TEX19: variants seen among roughly 807,000 people sequenced by gnomAD.
TEX19 encodes testis expressed 19, also known as testis-expressed protein 19.
For synonymous variants in TEX19, 77 were observed against 73.9 expected (o/e 1.04, Z -0.21); for missense variants, 184 against 194.4 (o/e 0.95, Z 0.32).
At chr17:82,360,682 T>C (rs1599668417) in intron 1 of TEX19, among the ~76,000 whole-genome samples, 2 of 111,322 alleles carry the variant, frequency 1.8e-5, no homozygotes, top group African/African-American at 3.8e-5. Flanking sequence ...CAAGTTTCCC[T>C]CAGGTTCCCC....
In TEX19 at chr17:82,361,496, C is replaced by T. The variant is rs1439111102; in HGVS notation, c.-271-384C>T. 1.0e-3 allele frequency: 469 copies of T among 466,526 alleles called. 1 individual carries two copies. Among genetic ancestry groups the T allele is most frequent in the Middle Eastern group, 2.2e-3 (2 of 914 alleles). The allele number at this position is 466,526 out of a possible 1,614,324, so 28.9% of individuals were successfully genotyped here. On this transcript the variant is annotated intron_variant, in intron 1 of 1. Transcript: ENST00000333437. Reference sequence around the variant, plus strand: ...TTCCCCCAGTTTCTCTCAGGTTCCCCCAGTTTCCCTCAGTTTCCCCCAGTT... The same window carrying T: ...TTCCCCCAGTTTCTCTCAGGTTCCCTCAGTTTCCCTCAGTTTCCCCCAGTT...
At position 82,361,566 on chromosome 17, in the gene TEX19, C is replaced by T. The variant is rs140961983; in HGVS notation, c.-271-314C>T. 2.2e-4 allele frequency: 193 copies of T among 889,936 alleles called. 3 individuals are homozygous for T. In the African/African-American group the frequency reaches 2.4e-3, roughly 11 times the overall value. 55.1% of individuals were successfully genotyped at this position (889,936 alleles called of 1,614,324 possible). ...TTCCCTCAGGTTCCCTCAGGTTCCC[C>T]CAGTTTCCTTCAGGTTCCCTCAATT... is the stretch of plus-strand genomic sequence containing the variant. On this transcript the variant is annotated intron_variant, in intron 1 of 1. Coordinates refer to ENST00000333437, the MANE Select transcript of TEX19 (RefSeq NM_207459.4).
rs763692160 is a variant in TEX19 at position 82,362,502 on chromosome 17, C to T, written c.352C>T (p.His118Tyr). 2.5e-6 allele frequency: 4 copies of T among 1,612,972 alleles called. No homozygotes were observed. The highest frequency in any genetic ancestry group is 3.4e-6 in the Non-Finnish European group (4 of 1,179,972). Residue 118 changes from histidine (H) to tyrosine (Y), a missense_variant, in exon 2 of 2, where the codon CAC (histidine) becomes TAC (tyrosine). His to Tyr is a moderately conservative substitution (Grantham distance 83, BLOSUM62 2). Coordinates refer to ENST00000333437, the MANE Select transcript of TEX19 (RefSeq NM_207459.4). This position sits in a 1 kb window ranked among gnomAD's most constrained non-coding sequence, Gnocchi z 5.5. Reference protein sequence around the residue: ...EGLEDAGLDPHFVPTELWPQE... With the variant: ...EGLEDAGLDPYFVPTELWPQE... ...GTTGGAAGATGCAGGTCTGGACCCC[C>T]ACTTTGTCCCCACTGAACTATGGCC...
chr17:82,359,723 A>G (rs1427652104), intron 1 of TEX19, among the ~76,000 whole-genome samples: 100 of 55,214 alleles, frequency 1.8e-3, no homozygotes, highest in Non-Finnish European at 2.1e-3. Context: ...TTTCCCTCAA[A>G]TTTCCCTCAG....
chr17:82,361,838 G>A lies in TEX19; in HGVS notation c.-271-42G>A, dbSNP rs556817998. 2.0e-5 allele frequency: 21 copies of A among 1,025,330 alleles called. No individual in the cohort carries two copies. The African/African-American group carries it at 3.3e-4, about 16-fold the overall frequency. 63.5% of individuals were successfully genotyped at this position (1,025,330 alleles called of 1,614,324 possible). A position where few individuals can be genotyped will look rare whatever the true frequency, so the allele number is the denominator to read the frequency against. On this transcript the variant is annotated intron_variant, in intron 1 of 1. Transcript: ENST00000333437. ...GGTCCCCACAGTTTGCCCCCACCCT[G>A]CCTGCTGGGGGTGCCTAACCTCCCT... is the stretch of plus-strand genomic sequence containing the variant.
Position 82,362,840 on chromosome 17 carries a change from C to T in TEX19, c.*195C>T, listed in dbSNP as rs1289528629. 1.6e-6 allele frequency: 1 copy of T among 618,438 alleles called. No individual in the cohort carries two copies. Among genetic ancestry groups the T allele is most frequent in the African/African-American group, 1.9e-5 (1 of 53,700 alleles). The allele number at this position is 618,438 out of a possible 1,614,324, so 38.3% of individuals were successfully genotyped here. ...GGGCCCTGAGGACCCCAGGGCAGCA[C>T]TGGAAATTGCTGCTGGAGCCTGGTG... On this transcript the variant is annotated 3_prime_UTR_variant, in exon 2 of 2. Transcript: ENST00000333437. The surrounding 1 kb of genome is among the most constrained non-coding windows in gnomAD (Gnocchi z 5.5).
At chr17:82,360,494 G>T (rs1296147914) in intron 1 of TEX19, among the ~76,000 whole-genome samples, 9 of 86,568 alleles carry the variant, frequency 1.0e-4, no homozygotes, top group Admixed American at 1.4e-4. Flanking sequence ...TTTCCCTCAG[G>T]TTCCCTCAGG....
Position 82,359,536 on chromosome 17 carries a change from C to CA in TEX19, c.-272+252dup, listed in dbSNP as rs200275240. Among the ~76,000 whole-genome samples the CA allele has an allele frequency of 1.8e-3, 201 of 112,658 alleles. 1 individual carries two copies. Among genetic ancestry groups the CA allele is most frequent in the Non-Finnish European group, 3.0e-3 (160 of 53,060 alleles). 73.9% of individuals were successfully genotyped at this position (112,658 alleles called of 152,430 possible). A position where few individuals can be genotyped will look rare whatever the true frequency, so the allele number is the denominator to read the frequency against. On this transcript the variant is annotated intron_variant, in intron 1 of 1. Transcript: ENST00000333437. ...TCCCTCAGGTTCCCTCAGTTTCCCT[C>CA]AGGTTCCCTCAGTTTCCCTCAAGTT...
In TEX19 at chr17:82,362,558, T is replaced by C. The variant is rs1599669830; in HGVS notation, c.408T>C (p.Leu136=). 1 of 1,611,256 alleles carries C rather than the reference T, an allele frequency of 6.2e-7. No individual in the cohort carries two copies. Among genetic ancestry groups the C allele is most frequent in the Non-Finnish European group, 8.5e-7 (1 of 1,179,284 alleles). The change falls in exon 2 of 2, where the codon CTT becomes CTC. Residue 136 remains leucine (L), a synonymous_variant. Transcript: ENST00000333437. The surrounding 1 kb of genome is among the most constrained non-coding windows in gnomAD (Gnocchi z 5.5). ...AGGCTGTGCCCCTGGGCCTGGGCCTTGAGGATGCTGACTGGACCCAGGGTC... is the reference window on the plus strand; with the variant it reads ...AGGCTGTGCCCCTGGGCCTGGGCCTCGAGGATGCTGACTGGACCCAGGGTC... ...PQEAVPLGLG[L]EDADWTQGLP...
chr17:82,360,480 C>T (rs1340803552), intron 1 of TEX19, among the ~76,000 whole-genome samples: 7 of 117,882 alleles, frequency 5.9e-5, no homozygotes, highest in Admixed American at 1.7e-4. Context: ...TCAGGTTCCC[C>T]CAGTTTCCCT....
chr17:82,362,650 G>A lies in TEX19; in HGVS notation c.*5G>A, dbSNP rs766349072. On this transcript the variant is annotated 3_prime_UTR_variant, in exon 2 of 2. Coordinates refer to ENST00000333437, the MANE Select transcript of TEX19 (RefSeq NM_207459.4). The surrounding 1 kb of genome is among the most constrained non-coding windows in gnomAD (Gnocchi z 5.5). Reference sequence around the variant, plus strand: ...CCAAGCTTCTTTCCTTCATAGCAGGGGTTTCTCAAAGTGGACCTGCCCCCA... The same window carrying A: ...CCAAGCTTCTTTCCTTCATAGCAGGAGTTTCTCAAAGTGGACCTGCCCCCA... 2 of 1,530,662 alleles carry A rather than the reference G, an allele frequency of 1.3e-6. No homozygotes were observed. The highest frequency in any genetic ancestry group is 2.6e-5 in the South Asian group (2 of 76,346). The allele number at this position is 1,530,662 out of a possible 1,614,324, so 94.8% of individuals were successfully genotyped here.
chr17:82,362,447 GCCAGGGAC>G lies in TEX19; in HGVS notation c.300_307del (p.Thr102SerfsTer19). 1 of 1,612,700 alleles carries G rather than the reference GCCAGGGAC, an allele frequency of 6.2e-7. No homozygotes were observed. The highest frequency in any genetic ancestry group is 1.1e-5 in the South Asian group (1 of 91,064). ...TGCAGGGGGGCTCTGAGGCATGGGGGCCAGGGACCCTGGCAGCAGCCCCAGAAGGGTTG... is the reference window on the plus strand; with the variant it reads ...TGCAGGGGGGCTCTGAGGCATGGGGGCCTGGCAGCAGCCCCAGAAGGGTTG... On this transcript the variant is annotated frameshift_variant, in exon 2 of 2. Coordinates refer to ENST00000333437, the MANE Select transcript of TEX19 (RefSeq NM_207459.4). LOFTEE classifies it low-confidence loss of function (END_TRUNC). This position sits in a 1 kb window ranked among gnomAD's most constrained non-coding sequence, Gnocchi z 5.5.
chr17:82,361,945 T>G lies in TEX19; in HGVS notation c.-206T>G. 1 of 767,942 alleles carries G rather than the reference T, an allele frequency of 1.3e-6. No individual in the cohort carries two copies. Among genetic ancestry groups the G allele is most frequent in the Non-Finnish European group, 2.0e-6 (1 of 502,202 alleles). The allele number at this position is 767,942 out of a possible 1,614,324, so 47.6% of individuals were successfully genotyped here. A position where few individuals can be genotyped will look rare whatever the true frequency, so the allele number is the denominator to read the frequency against. ...TCCAGAAGTTCAAGCTTCCACCCTC[T>G]GCAGGTCCCCACTGAGCTGGGACCC... On this transcript the variant is annotated 5_prime_UTR_variant, in exon 2 of 2. Coordinates refer to ENST00000333437, the MANE Select transcript of TEX19 (RefSeq NM_207459.4).
In TEX19 at chr17:82,362,835, C is replaced by A; in HGVS notation, c.*190C>A. On this transcript the variant is annotated 3_prime_UTR_variant, in exon 2 of 2. Transcript: ENST00000333437. This position sits in a 1 kb window ranked among gnomAD's most constrained non-coding sequence, Gnocchi z 5.5. ...AGACAGGGCCCTGAGGACCCCAGGG[C>A]AGCACTGGAAATTGCTGCTGGAGCC... The A allele has an allele frequency of 1.5e-6, 1 of 671,468 alleles. No individual in the cohort carries two copies. The allele number at this position is 671,468 out of a possible 1,614,324, so 41.6% of individuals were successfully genotyped here. A position where few individuals can be genotyped will look rare whatever the true frequency, so the allele number is the denominator to read the frequency against.
At position 82,362,804 on chromosome 17, in the gene TEX19, G is replaced by A. The variant is rs995730536; in HGVS notation, c.*159G>A. ...ATGATACCATCTACCTACAGAAGAT[G>A]ACCCCAGACAGGGCCCTGAGGACCC... On this transcript the variant is annotated 3_prime_UTR_variant, in exon 2 of 2. Coordinates refer to ENST00000333437, the MANE Select transcript of TEX19 (RefSeq NM_207459.4). The surrounding 1 kb of genome is among the most constrained non-coding windows in gnomAD (Gnocchi z 5.5). The A allele has an allele frequency of 6.4e-6, 6 of 939,722 alleles. No individual in the cohort carries two copies. The highest frequency in any genetic ancestry group is 9.1e-6 in the Non-Finnish European group (6 of 657,812). The allele number at this position is 939,722 out of a possible 1,614,324, so 58.2% of individuals were successfully genotyped here.
intron 1 of TEX19, among the ~76,000 whole-genome samples, chr17:82,360,069 T>G (rs1192297966): frequency 7.1e-5 from 5 of 70,660 alleles, no homozygotes; most frequent in Non-Finnish European, 1.0e-4. Context: ...TTTCCCCCAG[T>G]TTCCCTCAAG....
intron 1 of TEX19, among the ~76,000 whole-genome samples, chr17:82,361,469 GTTTCCCCCA>G (rs2052392627): frequency 7.1e-6 from 1 of 140,882 alleles, no homozygotes; most frequent in Non-Finnish European, 1.5e-5. Flanking sequence ...GGTTCCCTCA[GTTTCCCCCA>G]GTTTCTCTCA....
Position 82,361,866 on chromosome 17 carries a change from C to G in TEX19, c.-271-14C>G. On this transcript the variant is annotated splice_polypyrimidine_tract_variant and intron_variant, in intron 1 of 1. Coordinates refer to ENST00000333437, the MANE Select transcript of TEX19 (RefSeq NM_207459.4). ...TGCTGGGGGTGCCTAACCTCCCTTC[C>G]TTTGCCTTTCCAGCTCTCCTGAGAC... The G allele has an allele frequency of 2.4e-6, 2 of 836,770 alleles. No individual in the cohort carries two copies. Among genetic ancestry groups the G allele is most frequent in the Non-Finnish European group, 3.2e-6 (2 of 623,728 alleles). 51.8% of individuals were successfully genotyped at this position (836,770 alleles called of 1,614,324 possible).
Position 82,362,720 on chromosome 17 carries a change from C to T in TEX19, c.*75C>T. On this transcript the variant is annotated 3_prime_UTR_variant, in exon 2 of 2. Coordinates refer to ENST00000333437, the MANE Select transcript of TEX19 (RefSeq NM_207459.4). The surrounding 1 kb of genome is among the most constrained non-coding windows in gnomAD (Gnocchi z 5.5). ...AGCTGGGCATTACCTGGGCAGTGGA[C>T]CCTGCCGAGGCTGAGGCCTAGTTAC... is the stretch of plus-strand genomic sequence containing the variant. 1 of 1,500,092 alleles carries T rather than the reference C, an allele frequency of 6.7e-7. No individual in the cohort carries two copies. The highest frequency in any genetic ancestry group is 1.4e-5 in the South Asian group (1 of 72,076). The allele number at this position is 1,500,092 out of a possible 1,614,324, so 92.9% of individuals were successfully genotyped here.
Sources: allele counts gnomAD v4.1 joint callset (sites outside exome capture counted in the v4.1 genomes callset), GRCh38; gene constraint gnomAD v4.1.1; non-coding constraint Gnocchi (gnomAD v3.1); transcripts MANE v1.5; gene names NCBI Gene and HGNC (gene_info 2026-07-23, HGNC 2026-07-21).